Variants in ATG10 observed in about 807,000 individuals in gnomAD.
ATG10 encodes the protein ubiquitin-like-conjugating enzyme ATG10.
Under a neutral mutation model 32.1 loss-of-function variants are expected in ATG10, and 30 were observed. The ratio of observed to expected loss-of-function variants is 0.94; its 90% confidence interval spans 0.70 to 1.27. The LOEUF (loss-of-function observed/expected upper bound fraction) is 1.27, where lower values mean the gene tolerates loss of function less well. Ranked by LOEUF, ATG10 falls within the 50% of genes most tolerant of loss-of-function variation. ATG10 has a pLI of 0.00. For missense variants in ATG10, 233 were observed against 262.3 expected, an observed-to-expected ratio of 0.89 and a Z score of 0.77; for synonymous variants, 87 against 91.5, an observed-to-expected ratio of 0.95 and a Z score of 0.28.
At chr5:82,221,042 C>G (rs1419838832) in intron 5 of ATG10, among the ~76,000 whole-genome samples, 1 of 152,222 alleles carries the variant, frequency 6.6e-6, no homozygotes, top group African/African-American at 2.4e-5. Flanking sequence ...CAGGCATGAG[C>G]CACTGTGCCC....
At chr5:82,190,302 G>A (rs1243078295) in intron 5 of ATG10, among the ~76,000 whole-genome samples, 2 of 151,716 alleles carry the variant, frequency 1.3e-5, no homozygotes, top group Admixed American at 6.6e-5. Flanking sequence ...ACCTTTCAGT[G>A]CATAGCTTTC....
chr5:82,190,209 T>C (rs902081463), intron 5 of ATG10, among the ~76,000 whole-genome samples: 1 of 152,118 alleles, frequency 6.6e-6, no homozygotes, highest in Non-Finnish European at 1.5e-5. Flanking sequence ...AAAAATAATA[T>C]ATACTGAAAA....
At chr5:82,075,760 A>T (rs558509375) in intron 3 of ATG10, among the ~76,000 whole-genome samples, 1 of 152,308 alleles carries the variant, frequency 6.6e-6, no homozygotes, top group East Asian at 1.9e-4. Flanking sequence ...ACATAGTGAT[A>T]TGCTGTCTCA....
intron 3 of ATG10, among the ~76,000 whole-genome samples, chr5:82,118,417 TTCC>T (rs1765915209): frequency 7.1e-6 from 1 of 141,196 alleles, no homozygotes; most frequent in African/African-American, 2.6e-5. Flanking sequence ...TATGTATATA[TTCC>T]CTAGCACCTG....
intron 3 of ATG10, among the ~76,000 whole-genome samples, chr5:82,086,178 A>T (rs2629744): frequency 0.22 from 32,823 of 152,090 alleles, 3,771 homozygotes; most frequent in Middle Eastern, 0.28. Context: ...TATTCTTAGT[A>T]TAGAGAAAAA....
intron 1 of ATG10, among the ~76,000 whole-genome samples, chr5:81,984,174 C>T (rs968618063): frequency 2.0e-5 from 3 of 152,382 alleles, no homozygotes; most frequent in Admixed American, 6.5e-5. Flanking sequence ...TCTGCAATCC[C>T]GGCACCTCGG....
At chr5:82,027,593 A>G (rs945432203) in intron 2 of ATG10, among the ~76,000 whole-genome samples, 1 of 152,190 alleles carries the variant, frequency 6.6e-6, no homozygotes, top group Non-Finnish European at 1.5e-5. Flanking sequence ...CTATAAATAG[A>G]TTTTATGTAG....
chr5:82,252,707 G>A (rs745705912), intron 6 of ATG10, 48 bp downstream of exon 6: 32 of 1,123,694 alleles, frequency 2.8e-5, no homozygotes, highest in Non-Finnish European at 4.2e-5. Flanking sequence ...GATTTTAAAA[G>A]TGTAAATCTT....
intron 5 of ATG10, among the ~76,000 whole-genome samples, chr5:82,227,308 G>A (rs568306171): frequency 4.4e-4 from 67 of 151,940 alleles, no homozygotes; most frequent in Non-Finnish European, 5.4e-4. Flanking sequence ...GGAGAAATTT[G>A]ACAACCCCTT....
intron 5 of ATG10, among the ~76,000 whole-genome samples, chr5:82,217,199 A>T (rs1745723999): frequency 6.6e-6 from 1 of 152,216 alleles, no homozygotes. Context: ...GCAATCAAAC[A>T]GACATCAGTC....
rs1389776064 is a variant in ATG10 at position 81,993,360 on chromosome 5, C to CTTCTTTCTTTTCTTTTCTTTTCTT, written c.108+5688_108+5689insCTTTTCTTTTCTTTTCTTTTCTTT. ...CCTTCTTTCTTTCTTTCTTTCTTTC[C>CTTCTTTCTTTTCTTTTCTTTTCTT]TTCTTTTCTTTTCTTTTCTTTTCTT... is the stretch of plus-strand genomic sequence containing the variant. On this transcript the variant is annotated intron_variant, in intron 2 of 7. Coordinates refer to ENST00000282185, the MANE Select transcript of ATG10 (RefSeq NM_031482.5). Among the ~76,000 whole-genome samples the CTTCTTTCTTTTCTTTTCTTTTCTT allele has an allele frequency of 7.2e-3, 337 of 46,774 alleles. 38 individuals carry two copies. The highest frequency in any genetic ancestry group is 0.011 in the Middle Eastern group (1 of 88). The allele number at this position is 46,774 out of a possible 152,430, so 30.7% of individuals were successfully genotyped here. A position where few individuals can be genotyped will look rare whatever the true frequency, so the allele number is the denominator to read the frequency against.
chr5:82,170,303 C>G (rs1477286395), intron 4 of ATG10, among the ~76,000 whole-genome samples: 1 of 152,218 alleles, frequency 6.6e-6, no homozygotes, highest in Non-Finnish European at 1.5e-5. Context: ...TGAGTGCCTA[C>G]TGTGTGCACA....
chr5:82,014,440 C>T (rs1581599273), intron 2 of ATG10, among the ~76,000 whole-genome samples: 1 of 152,074 alleles, frequency 6.6e-6, no homozygotes, highest in Non-Finnish European at 1.5e-5. Flanking sequence ...GTTAAAGTCT[C>T]CCATTATTAT....
At chr5:82,017,148 T>C in intron 2 of ATG10, among the ~76,000 whole-genome samples, 1 of 151,274 alleles carries the variant, frequency 6.6e-6, no homozygotes, top group East Asian at 1.9e-4. Flanking sequence ...TCCTAAGTAT[T>C]TTATCTCTTT....
intron 2 of ATG10, among the ~76,000 whole-genome samples, chr5:81,995,935 G>A (rs980772321): frequency 1.3e-5 from 2 of 152,182 alleles, no homozygotes; most frequent in African/African-American, 4.8e-5. Flanking sequence ...GACCCAGAGA[G>A]GTGTAATTAC....
At chr5:82,094,036 G>C (rs1042832940) in intron 3 of ATG10, among the ~76,000 whole-genome samples, 1 of 151,996 alleles carries the variant, frequency 6.6e-6, no homozygotes, top group Non-Finnish European at 1.5e-5. Context: ...CACATGAGCC[G>C]ATCTGTACTT....
chr5:82,096,120 T>C (rs1417183341), intron 3 of ATG10, among the ~76,000 whole-genome samples: 1 of 152,198 alleles, frequency 6.6e-6, no homozygotes. Context: ...ACATCAGCTA[T>C]CACATGGATA....
At chr5:82,037,027 A>T (rs1762943829) in intron 2 of ATG10, among the ~76,000 whole-genome samples, 1 of 141,922 alleles carries the variant, frequency 7.0e-6, no homozygotes, top group South Asian at 2.5e-4. Context: ...GCTGCTTGGG[A>T]GGCTGAGGCG....
chr5:81,987,412 A>C (rs1346004434), intron 1 of ATG10, 147 bp from the exon 2 acceptor site: 1 of 564,670 alleles, frequency 1.8e-6, no homozygotes, highest in African/African-American at 1.9e-5. Context: ...GATGTGAGCC[A>C]CCACGCCTGG....
Sources: gnomAD v4.1 joint callset for allele counts (sites outside exome capture counted in the v4.1 genomes callset) on GRCh38, gnomAD v4.1.1 for gene constraint, MANE v1.5 for transcripts, NCBI Gene and HGNC (gene_info 2026-07-23, HGNC 2026-07-21) for gene names.